Variants in DMD observed in about 807,000 individuals in gnomAD.
DMD encodes dystrophin, also known as mutant dystrophin.
Under a neutral mutation model 330.1 loss-of-function variants are expected in DMD, and 63 were observed. That is an observed-to-expected ratio of 0.19 (90% confidence interval 0.16 to 0.24). DMD has a LOEUF of 0.24. DMD is among the 10% of genes least tolerant of loss of function. The pLI, the probability that DMD is intolerant of heterozygous loss-of-function variation, is 1.00. For missense variants in DMD, 3,344 were observed against 2,684.1 expected (o/e 1.25, Z -5.43); for synonymous variants, 1,223 against 959.8 (o/e 1.27, Z -5.07).
At chrX:32,691,267 T>A (rs1462890444) in intron 9 of DMD, among the ~76,000 whole-genome samples, 1 of 109,723 alleles carries the variant, frequency 9.1e-6, no homozygotes, top group Non-Finnish European at 1.9e-5. Context: ...TTATATTATA[T>A]TAACAACTGG....
chrX:31,587,167 T>C (rs2076648782), intron 55 of DMD, among the ~76,000 whole-genome samples: 1 of 111,546 alleles, frequency 9.0e-6, no homozygotes, highest in South Asian at 3.7e-4. Context: ...GAATTCTAAC[T>C]TACAGGTATT....
chrX:31,238,581 A>AAGGACT (rs981415187), intron 63 of DMD, among the ~76,000 whole-genome samples: 1 of 111,716 alleles, frequency 9.0e-6, no homozygotes, highest in African/African-American at 3.3e-5. Flanking sequence ...TGAGTTCTGT[A>AAGGACT]TTATCAGCTT....
At chrX:32,454,870 A>C (rs2098349911) in intron 25 of DMD, 38 bp from the exon 26 acceptor site, 1 of 1,184,472 alleles carries the variant, frequency 8.4e-7, no homozygotes, top group African/African-American at 1.8e-5. Flanking sequence ...GATTATTGAC[A>C]GTGATGAAAC....
intron 64 of DMD, among the ~76,000 whole-genome samples, chrX:31,212,178 ATGTGTGTG>A (rs377234015): frequency 4.0e-5 from 3 of 75,306 alleles, no homozygotes; most frequent in South Asian, 5.8e-4. Context: ...GTGTGTGTGT[ATGTGTGTG>A]TGTGTGTGTG....
intron 77 of DMD, among the ~76,000 whole-genome samples, chrX:31,130,923 CT>C (rs1422268842): frequency 1.8e-5 from 2 of 111,997 alleles, no homozygotes; most frequent in African/African-American, 6.5e-5. Flanking sequence ...GGCTTTTCCT[CT>C]GTGGGCAATT....
intron 7 of DMD, among the ~76,000 whole-genome samples, chrX:32,704,850 A>G (rs771763792): frequency 2.5e-4 from 28 of 112,358 alleles, no homozygotes; most frequent in Non-Finnish European, 4.3e-4. Context: ...ACCAAAACCT[A>G]TGGTTGTAAA....
At chrX:31,861,902 T>TAAC (rs1315297718) in intron 48 of DMD, among the ~76,000 whole-genome samples, 1 of 99,795 alleles carries the variant, frequency 1.0e-5, no homozygotes, top group East Asian at 3.2e-4. Flanking sequence ...TATAGTATTC[T>TAAC]AACAGCTGGC....
intron 7 of DMD, among the ~76,000 whole-genome samples, chrX:32,723,422 G>A (rs2066539254): frequency 9.0e-6 from 1 of 111,331 alleles, no homozygotes. Context: ...TATTTAGGGT[G>A]ATGCTGAAGT....
chrX:31,648,990 T>C (rs190686504), intron 54 of DMD, among the ~76,000 whole-genome samples: 7 of 111,164 alleles, frequency 6.3e-5, no homozygotes, highest in African/African-American at 1.6e-4. Flanking sequence ...TTTAAAGAAG[T>C]CTTTCTGAGA....
At chrX:32,214,009 T>C (rs60226089) in intron 44 of DMD, among the ~76,000 whole-genome samples, 1 of 110,993 alleles carries the variant, frequency 9.0e-6, no homozygotes, top group African/African-American at 3.3e-5. Context: ...AAAGTTTTGA[T>C]AAAATGTTCA....
At chrX:31,309,621 A>G (rs1364902959) in intron 62 of DMD, among the ~76,000 whole-genome samples, 1 of 112,021 alleles carries the variant, frequency 8.9e-6, no homozygotes, top group African/African-American at 3.2e-5. Flanking sequence ...TCTAGTACCA[A>G]TCTTTATTAA....
rs181968745 is a variant in DMD at position 32,946,747 on chromosome X, C to T, written c.93+73392G>A. On this transcript the variant is annotated intron_variant, in intron 2 of 78. Transcript: ENST00000357033. Reference sequence around the variant, plus strand: ...TATGGCTGGATTTTCTTTGAATTTACGGGCTTTTGTATGGGAGCTGCTATA... The same window carrying T: ...TATGGCTGGATTTTCTTTGAATTTATGGGCTTTTGTATGGGAGCTGCTATA... Among the ~76,000 whole-genome samples the T allele has an allele frequency of 1.1e-4, 12 of 111,192 alleles. No individual in the cohort carries two copies. The East Asian group carries it at 1.4e-3, about 13-fold the overall frequency.
At chrX:32,592,202 C>T (rs1463788533) in intron 13 of DMD, among the ~76,000 whole-genome samples, 1 of 111,288 alleles carries the variant, frequency 9.0e-6, no homozygotes, top group Non-Finnish European at 1.9e-5. Flanking sequence ...CCAAGAATGG[C>T]CTGAAGCCTG....
At chrX:32,394,916 C>CAAAACAAAACAAAAAAAAAA (rs2098030291) in intron 30 of DMD, among the ~76,000 whole-genome samples, 1 of 39,034 alleles carries the variant, frequency 2.6e-5, no homozygotes, top group African/African-American at 7.9e-5. Context: ...AACAAAAAAA[C>CAAAACAAAACAAAAAAAAAA]AAAAAAAAAA....
intron 7 of DMD, among the ~76,000 whole-genome samples, chrX:32,758,904 A>G (rs2071863847): frequency 8.9e-6 from 1 of 111,810 alleles, no homozygotes; most frequent in South Asian, 3.7e-4. Flanking sequence ...ATGTAAAATG[A>G]AAAAAATAAA....
intron 17 of DMD, among the ~76,000 whole-genome samples, chrX:32,526,436 T>A (rs1482916996): frequency 9.0e-6 from 1 of 110,874 alleles, no homozygotes; most frequent in Non-Finnish European, 1.9e-5. Context: ...TTTTTTTTTC[T>A]TGGCAAAAGT....
At chrX:32,153,779 T>C (rs2096817200) in intron 44 of DMD, among the ~76,000 whole-genome samples, 1 of 111,709 alleles carries the variant, frequency 9.0e-6, no homozygotes, top group African/African-American at 3.3e-5. Context: ...GGAGAAGAAC[T>C]TGAAGCTTTC....
intron 17 of DMD, among the ~76,000 whole-genome samples, chrX:32,528,049 C>T (rs754361881): frequency 8.9e-6 from 1 of 112,381 alleles, no homozygotes; most frequent in East Asian, 2.8e-4. Context: ...CGGCTCATGC[C>T]TGTAATTCCA....
At chrX:33,310,226 C>T (rs1012168696) in intron 1 of DMD, among the ~76,000 whole-genome samples, 1 of 110,917 alleles carries the variant, frequency 9.0e-6, no homozygotes, top group Admixed American at 9.6e-5. Context: ...CTGTATAAAC[C>T]GTACTTAAAA....
Sources: gnomAD v4.1 joint callset for allele counts (sites outside exome capture counted in the v4.1 genomes callset) on GRCh38, gnomAD v4.1.1 for gene constraint, MANE v1.5 for transcripts, NCBI Gene and HGNC (gene_info 2026-07-23, HGNC 2026-07-21) for gene names.